The following SPOCK1 variants were observed in gnomAD, a reference collection of about 807,000 sequenced individuals.
SPOCK1 encodes the protein testican-1.
A neutral mutation model predicts 55.3 loss-of-function variants in SPOCK1; 23 were observed. That is an observed-to-expected ratio of 0.42 (90% CI 0.30 to 0.59). The LOEUF is 0.59. Among genes scored for constraint, SPOCK1 ranks in the 20% least tolerant of loss-of-function variants. The probability of loss-of-function intolerance (pLI) is 0.22; values close to 1 mark genes in which losing one functional copy is unlikely to be tolerated. For missense variants in SPOCK1, 499 were observed against 552.5 expected, an observed-to-expected ratio of 0.90 and a Z score of 0.97; for synonymous variants, 226 against 221.0, an observed-to-expected ratio of 1.02 and a Z score of -0.20.
At chr5:137,460,638 A>G (rs1483639709) in intron 2 of SPOCK1, among the ~76,000 whole-genome samples, 2 of 152,212 alleles carry the variant, frequency 1.3e-5, no homozygotes, top group African/African-American at 2.4e-5. Context: ...AGACTCTCCA[A>G]GCAAATTCAC....
intron 2 of SPOCK1, among the ~76,000 whole-genome samples, chr5:137,383,019 C>T (rs906855006): frequency 1.3e-5 from 2 of 152,170 alleles, no homozygotes; most frequent in Non-Finnish European, 2.9e-5. Context: ...CCTGAGGGCC[C>T]TGCCTGGTCT....
At chr5:137,338,693 T>A (rs949511198) in intron 2 of SPOCK1, among the ~76,000 whole-genome samples, 50 of 151,784 alleles carry the variant, frequency 3.3e-4, no homozygotes, top group Non-Finnish European at 6.3e-4. Context: ...GTTTCCTGAC[T>A]TTTTAATGAT....
chr5:137,008,455 G>T (rs1346335947), intron 6 of SPOCK1, among the ~76,000 whole-genome samples: 1 of 152,044 alleles, frequency 6.6e-6, no homozygotes, highest in Non-Finnish European at 1.5e-5. Flanking sequence ...CCTTAAAACA[G>T]CCAAGAAAAG....
intron 2 of SPOCK1, among the ~76,000 whole-genome samples, chr5:137,343,114 G>C (rs564108339): frequency 6.6e-6 from 1 of 152,202 alleles, no homozygotes; most frequent in South Asian, 2.1e-4. Context: ...AGTACATCCC[G>C]ACACTTATCC....
chr5:137,162,216 C>T (rs1293354465), intron 3 of SPOCK1, among the ~76,000 whole-genome samples: 1 of 150,740 alleles, frequency 6.6e-6, no homozygotes, highest in East Asian at 2.0e-4. Context: ...CGGCTCACTG[C>T]AACCTCCACC....
At chr5:137,080,691 G>T in intron 5 of SPOCK1, among the ~76,000 whole-genome samples, 1 of 152,092 alleles carries the variant, frequency 6.6e-6, no homozygotes, top group East Asian at 1.9e-4. Flanking sequence ...GTAAAAGAAT[G>T]AATGAATGAA....
chr5:137,182,887 C>T (rs1364411337), intron 3 of SPOCK1, among the ~76,000 whole-genome samples: 2 of 152,176 alleles, frequency 1.3e-5, no homozygotes, highest in Non-Finnish European at 1.5e-5. Context: ...TTCCAGGTCA[C>T]CAATCTCCAT....
chr5:137,140,027 A>G (rs1163469318), intron 4 of SPOCK1, among the ~76,000 whole-genome samples: 1 of 152,170 alleles, frequency 6.6e-6, no homozygotes, highest in Non-Finnish European at 1.5e-5. Flanking sequence ...GGAAAAGAGG[A>G]TATCAGGGGC....
intron 6 of SPOCK1, among the ~76,000 whole-genome samples, chr5:137,041,144 G>C (rs772870710): frequency 4.6e-5 from 7 of 151,670 alleles, no homozygotes; most frequent in Non-Finnish European, 8.8e-5. Flanking sequence ...GGTTGTGGTG[G>C]AAAAAAAATA....
At chr5:137,393,054 T>C (rs1184746518) in intron 2 of SPOCK1, among the ~76,000 whole-genome samples, 4 of 152,100 alleles carry the variant, frequency 2.6e-5, no homozygotes, top group Non-Finnish European at 5.9e-5. Flanking sequence ...TTCCAATACA[T>C]ACCCTTTGTC....
At chr5:137,204,821 C>G (rs1205659076) in intron 3 of SPOCK1, among the ~76,000 whole-genome samples, 1 of 152,280 alleles carries the variant, frequency 6.6e-6, no homozygotes, top group African/African-American at 2.4e-5. Context: ...TCATATCCCG[C>G]TCTTTTCCCC....
intron 5 of SPOCK1, among the ~76,000 whole-genome samples, chr5:137,079,812 C>T (rs1460709836): frequency 6.6e-6 from 1 of 152,108 alleles, no homozygotes; most frequent in Non-Finnish European, 1.5e-5. Flanking sequence ...CAGGCGTGTC[C>T]TCCTCTGGAC....
chr5:137,129,834 G>A (rs1753841150), intron 4 of SPOCK1, among the ~76,000 whole-genome samples: 1 of 152,182 alleles, frequency 6.6e-6, no homozygotes, highest in African/African-American at 2.4e-5. Flanking sequence ...GGTAGACAAT[G>A]GCTGGTTATT....
intron 3 of SPOCK1, among the ~76,000 whole-genome samples, chr5:137,245,687 G>A (rs1372422834): frequency 6.6e-6 from 1 of 151,028 alleles, no homozygotes; most frequent in Non-Finnish European, 1.5e-5. Flanking sequence ...AGTCTCAAGG[G>A]ATGTACGGTT....
At chr5:137,302,401 C>T (rs1757612697) in intron 2 of SPOCK1, among the ~76,000 whole-genome samples, 1 of 98,532 alleles carries the variant, frequency 1.0e-5, no homozygotes, top group Non-Finnish European at 2.0e-5. Context: ...AACCCCGTCT[C>T]TACTAAAAAT....
At chr5:137,357,958 G>A (rs892262460) in intron 2 of SPOCK1, among the ~76,000 whole-genome samples, 1 of 151,864 alleles carries the variant, frequency 6.6e-6, no homozygotes, top group Non-Finnish European at 1.5e-5. Context: ...TCATTGCCAG[G>A]CTCACTTCAC....
chr5:137,055,027 A>G (rs2126999703), intron 6 of SPOCK1, among the ~76,000 whole-genome samples: 1 of 152,296 alleles, frequency 6.6e-6, no homozygotes, highest in Admixed American at 6.5e-5. Context: ...CAGAGACCAC[A>G]ATGGTAGTAT....
At chr5:137,200,026 G>A (rs537137723) in intron 3 of SPOCK1, among the ~76,000 whole-genome samples, 1 of 152,344 alleles carries the variant, frequency 6.6e-6, no homozygotes, top group Non-Finnish European at 1.5e-5. Flanking sequence ...CTAGTGCCCT[G>A]AGCCTGCGCT....
intron 3 of SPOCK1, among the ~76,000 whole-genome samples, chr5:137,198,646 A>G (rs1755350481): frequency 6.6e-6 from 1 of 152,182 alleles, no homozygotes. Context: ...TAATACTTTT[A>G]TTAATTTGTA....
Sources: gnomAD v4.1 joint callset for allele counts (sites outside exome capture counted in the v4.1 genomes callset) on GRCh38, gnomAD v4.1.1 for gene constraint, MANE v1.5 for transcripts, NCBI Gene and HGNC (gene_info 2026-07-23, HGNC 2026-07-21) for gene names.